ANK2: variants seen among roughly 807,000 people sequenced by gnomAD.
ANK2 encodes ankyrin 2.
In ANK2, 83 loss-of-function variants were observed where a neutral mutation model predicts 360.5. That is an observed-to-expected ratio of 0.23 (90% CI 0.19 to 0.28). ANK2 has a LOEUF of 0.28. Ranked by LOEUF, ANK2 falls within the 10% of genes least tolerant of loss-of-function variation. The pLI is 1.00. For synonymous variants in ANK2, 1,740 were observed against 1,759.5 expected (o/e 0.99, Z 0.28); for missense variants, 4,201 against 4,795.7 (o/e 0.88, Z 3.66).
chr4:113,233,045 C>T (rs1365886492), intron 5 of ANK2, among the ~76,000 whole-genome samples: 2 of 145,468 alleles, frequency 1.4e-5, no homozygotes, highest in Admixed American at 7.0e-5. Context: ...AGGAAGAGAG[C>T]TCCCCTGAGA....
At chr4:113,326,206 G>A (rs986403691) in intron 26 of ANK2, among the ~76,000 whole-genome samples, 3 of 152,196 alleles carry the variant, frequency 2.0e-5, no homozygotes, top group African/African-American at 7.2e-5. Context: ...TCTACTACCT[G>A]TCCAAATAGT....
At chr4:112,825,310 A>G (rs2058168339) in intron 1 of ANK2, among the ~76,000 whole-genome samples, 1 of 152,192 alleles carries the variant, frequency 6.6e-6, no homozygotes, top group Middle Eastern at 3.4e-3. Context: ...CATGTTGTGC[A>G]CATGTACCCT....
chr4:112,852,601 G>A (rs911753444), intron 1 of ANK2, among the ~76,000 whole-genome samples: 1 of 152,156 alleles, frequency 6.6e-6, no homozygotes, highest in Admixed American at 6.5e-5. Context: ...ATATCTAGGG[G>A]AAGATACGAG....
chr4:113,335,887 C>G lies in ANK2; in HGVS notation c.3421C>G (p.Arg1141Gly). 6.2e-7 allele frequency: 1 copy of G among 1,614,102 alleles called. No individual in the cohort carries two copies. Among genetic ancestry groups the G allele is most frequent in the Non-Finnish European group, 8.5e-7 (1 of 1,180,014 alleles). Residue 1141 changes from arginine to glycine, a missense_variant, in exon 30 of 46, where the codon CGC (arginine) becomes GGC (glycine). Around this residue, in one of 4 missense-constraint regions of ANK2, gnomAD observed 1,268 missense variants for 1,650.8 expected, o/e 0.77. Coordinates refer to ENST00000357077, the MANE Select transcript of ANK2 (RefSeq NM_001148.6). Reference sequence around the variant, plus strand: ...AGACCTAGAAAAGAAACGAATCTGCCGCATCATCACCCGAGACTTCCCACA... The same window carrying G: ...AGACCTAGAAAAGAAACGAATCTGCGGCATCATCACCCGAGACTTCCCACA... The part of the protein sequence containing the change: ...PEDLEKKRIC[R>G]IITRDFPQYF...
At chr4:113,332,954 C>T in intron 28 of ANK2, 100 bp from the exon 29 acceptor site, 2 of 1,567,252 alleles carry the variant, frequency 1.3e-6, no homozygotes, top group Non-Finnish European at 1.7e-6. Flanking sequence ...CTGTCCCCAG[C>T]AAAAGAAGAA....
At chr4:113,166,279 G>T (rs1283806164) in intron 1 of ANK2, among the ~76,000 whole-genome samples, 1 of 152,086 alleles carries the variant, frequency 6.6e-6, no homozygotes, top group Non-Finnish European at 1.5e-5. Context: ...CATAGTTATA[G>T]AGACATTTTA....
At chr4:113,129,690 A>G (rs2154376994) in intron 1 of ANK2, among the ~76,000 whole-genome samples, 1 of 152,174 alleles carries the variant, frequency 6.6e-6, no homozygotes, top group East Asian at 1.9e-4. Context: ...AAATATCTGA[A>G]GTTGGTCTTT....
chr4:112,902,297 T>C (rs889111476), intron 1 of ANK2, among the ~76,000 whole-genome samples: 2 of 152,204 alleles, frequency 1.3e-5, no homozygotes, highest in African/African-American at 4.8e-5. Flanking sequence ...AGTAGCTGAG[T>C]GCAACCAGTT....
chr4:113,222,745 A>G lies in ANK2; in HGVS notation c.385-9416A>G, dbSNP rs552371331. Among the ~76,000 whole-genome samples, 13 of 152,314 alleles carry G rather than the reference A, an allele frequency of 8.5e-5. No individual in the cohort carries two copies. The East Asian group carries it at 2.5e-3, about 29-fold the overall frequency. On this transcript the variant is annotated intron_variant, in intron 4 of 45. Transcript: ENST00000357077. ...ACACTTGATAAAACTTAACCTCCCC[A>G]GAAAGATTTAGGACATTAGTCATTT...
At chr4:112,971,992 T>G (rs1388491078) in intron 2 of ANK2, among the ~76,000 whole-genome samples, 1 of 152,172 alleles carries the variant, frequency 6.6e-6, no homozygotes, top group Non-Finnish European at 1.5e-5. Flanking sequence ...ATCAAAGAGA[T>G]GTACAAGAAT....
intron 2 of ANK2, among the ~76,000 whole-genome samples, chr4:112,988,818 G>A (rs1339329142): frequency 1.3e-5 from 2 of 152,190 alleles, no homozygotes; most frequent in Non-Finnish European, 2.9e-5. Flanking sequence ...ACTAGCAGAA[G>A]GAGTTTAGAG....
intron 9 of ANK2, among the ~76,000 whole-genome samples, chr4:113,246,581 G>A (rs571094228): frequency 1.3e-5 from 2 of 151,926 alleles, no homozygotes; most frequent in Admixed American, 6.6e-5. Context: ...TTTAAATGTG[G>A]TGATACCGCA....
the ANK2 span, among the ~76,000 whole-genome samples, chr4:112,757,340 G>A: frequency 3.3e-5 from 5 of 151,968 alleles, no homozygotes; most frequent in East Asian, 2.0e-4. Context: ...GGCTGGTCTC[G>A]AACTCCTGAA....
chr4:113,066,356 A>G (rs1291631867), intron 1 of ANK2, among the ~76,000 whole-genome samples: 1 of 152,164 alleles, frequency 6.6e-6, no homozygotes, highest in African/African-American at 2.4e-5. Flanking sequence ...TTATTCATCT[A>G]TGTATTTATT....
the ANK2 span, among the ~76,000 whole-genome samples, chr4:112,763,214 C>T: frequency 6.6e-6 from 1 of 150,542 alleles, no homozygotes; most frequent in Non-Finnish European, 1.5e-5. Context: ...CATTAGCCAC[C>T]ACACCTGGCT....
chr4:113,106,651 G>T (rs1291079261), intron 1 of ANK2, among the ~76,000 whole-genome samples: 1 of 152,124 alleles, frequency 6.6e-6, no homozygotes, highest in Admixed American at 6.6e-5. Context: ...TGTAACTGTA[G>T]TTCCTACCGT....
chr4:113,210,756 G>A (rs1038262774), intron 4 of ANK2, among the ~76,000 whole-genome samples: 1 of 152,164 alleles, frequency 6.6e-6, no homozygotes, highest in Non-Finnish European at 1.5e-5. Flanking sequence ...CTCTACGTTA[G>A]TTGCTGTTGT....
chr4:112,931,438 T>C (rs868170305), intron 2 of ANK2, among the ~76,000 whole-genome samples: 204 of 140,872 alleles, frequency 1.4e-3, no homozygotes, highest in African/African-American at 4.9e-3. Context: ...CTTTTCTTTT[T>C]TTTTTTTTTT....
chr4:112,781,356 T>C, the ANK2 span, among the ~76,000 whole-genome samples: 1 of 152,084 alleles, frequency 6.6e-6, no homozygotes, highest in African/African-American at 2.4e-5. Context: ...TACCTTGGCC[T>C]CCCAAAGTCC....
Sources: gnomAD v4.1 joint callset for allele counts (sites outside exome capture counted in the v4.1 genomes callset) on GRCh38, gnomAD v4.1.1 for gene constraint, gnomAD v4.1.1 regional missense constraint, MANE v1.5 for transcripts, NCBI Gene and HGNC (gene_info 2026-07-23, HGNC 2026-07-21) for gene names.